The following ATF7IP2 variants were observed in gnomAD, a reference collection of about 807,000 sequenced individuals.
ATF7IP2 encodes activating transcription factor 7-interacting protein 2.
ATF7IP2 carries 42 observed loss-of-function variants against 64.2 expected under a neutral mutation model. The observed-to-expected ratio is 0.65, with a 90% confidence interval of 0.51 to 0.85. The LOEUF is 0.85. ATF7IP2 is among the 40% of genes least tolerant of loss of function. The pLI is 0.00. For missense variants in ATF7IP2, 933 were observed against 784.2 expected (o/e 1.19, Z -2.27); for synonymous variants, 308 against 272.8 (o/e 1.13, Z -1.27).
intron 1 of ATF7IP2, among the ~76,000 whole-genome samples, chr16:10,408,015 G>A (rs12597820): frequency 0.18 from 26,852 of 151,728 alleles, 2,505 homozygotes; most frequent in South Asian, 0.24. Flanking sequence ...GGGTTCAAGC[G>A]ATTCTCCAGC....
At chr16:10,437,083 G>A (rs1159717346) in intron 6 of ATF7IP2, among the ~76,000 whole-genome samples, 1 of 150,578 alleles carries the variant, frequency 6.6e-6, no homozygotes, top group Non-Finnish European at 1.5e-5. Flanking sequence ...GTACAGTGGT[G>A]TGATCTCGGC....
chr16:10,435,495 G>A (rs927244902), intron 6 of ATF7IP2, among the ~76,000 whole-genome samples: 4 of 152,068 alleles, frequency 2.6e-5, no homozygotes, highest in African/African-American at 9.7e-5. Context: ...CATTACCATT[G>A]GTAAAAACAT....
At chr16:10,476,511 C>CT (rs1193478015) in intron 12 of ATF7IP2, among the ~76,000 whole-genome samples, 1 of 151,620 alleles carries the variant, frequency 6.6e-6, no homozygotes, top group African/African-American at 2.4e-5. Context: ...TTTTTTTAAA[C>CT]TTTATGTTCT....
chr16:10,439,527 C>G lies in ATF7IP2; in HGVS notation c.1096-837C>G, dbSNP rs1218717624. Among the ~76,000 whole-genome samples, 6 of 147,326 alleles carry G rather than the reference C, an allele frequency of 4.1e-5. No homozygotes were observed. In the Admixed American group the frequency reaches 4.1e-4, roughly 10 times the overall value. On this transcript the variant is annotated intron_variant, in intron 7 of 13. Coordinates refer to ENST00000562102, the MANE Select transcript of ATF7IP2 (RefSeq NM_001393719.1). The stretch of plus-strand genomic sequence containing the variant: ...GGGATTATAGGCGTGAGCCACCGCC[C>G]CCAGCCTTTTTTTTTTTTTTTTTTT...
At chr16:10,398,311 AAAAAAT>A (rs1171489056) in intron 1 of ATF7IP2, among the ~76,000 whole-genome samples, 3 of 148,134 alleles carry the variant, frequency 2.0e-5, no homozygotes, top group Non-Finnish European at 3.0e-5. Flanking sequence ...CTCAAAAAAA[AAAAAAT>A]AATAATAAAT....
intron 1 of ATF7IP2, among the ~76,000 whole-genome samples, chr16:10,388,992 A>G (rs2047266153): frequency 6.6e-6 from 1 of 151,982 alleles, no homozygotes. Context: ...ATCCTGGGCG[A>G]CAGAGCAAGA....
intron 1 of ATF7IP2, among the ~76,000 whole-genome samples, chr16:10,394,810 A>G (rs1158538602): frequency 6.6e-6 from 1 of 152,216 alleles, no homozygotes; most frequent in Non-Finnish European, 1.5e-5. Flanking sequence ...GTGAATGAAA[A>G]TGAAGACAAA....
At chr16:10,393,073 G>T (rs898878633) in intron 1 of ATF7IP2, among the ~76,000 whole-genome samples, 2 of 152,044 alleles carry the variant, frequency 1.3e-5, no homozygotes, top group African/African-American at 4.8e-5. Flanking sequence ...ACTTTGGGAG[G>T]CTAAGGTGGA....
At chr16:10,473,303 A>T (rs1334916414) in intron 10 of ATF7IP2, among the ~76,000 whole-genome samples, 176 bp from the exon 11 acceptor site, 2 of 152,178 alleles carry the variant, frequency 1.3e-5, no homozygotes, top group Non-Finnish European at 2.9e-5. Flanking sequence ...CCAAAATTAC[A>T]TTTTTTTAAA....
At chr16:10,464,379 C>T (rs965003249) in intron 9 of ATF7IP2, among the ~76,000 whole-genome samples, 2 of 152,102 alleles carry the variant, frequency 1.3e-5, no homozygotes, top group East Asian at 3.8e-4. Flanking sequence ...TCTCATGCCA[C>T]AGGTATTGAA....
intron 1 of ATF7IP2, among the ~76,000 whole-genome samples, chr16:10,412,670 C>G (rs965254268): frequency 6.6e-6 from 1 of 152,128 alleles, no homozygotes; most frequent in Non-Finnish European, 1.5e-5. Flanking sequence ...GTAGAATGTT[C>G]TGTAAATATC....
At chr16:10,399,555 A>G (rs767519541) in intron 1 of ATF7IP2, among the ~76,000 whole-genome samples, 26 of 152,290 alleles carry the variant, frequency 1.7e-4, no homozygotes, top group Non-Finnish European at 3.4e-4. Context: ...GTCTATTTCT[A>G]TACATTACTA....
In ATF7IP2 at chr16:10,460,812, G is replaced by A. The variant is rs78364341; in HGVS notation, c.1352+3283G>A. Reference sequence around the variant, plus strand: ...AATGTTTTCTTAAGACATAAATGCCGTTGCCATAAAAGAAAAATTGATTAA... The same window carrying A: ...AATGTTTTCTTAAGACATAAATGCCATTGCCATAAAAGAAAAATTGATTAA... On this transcript the variant is annotated intron_variant, in intron 9 of 13. Transcript: ENST00000562102. 5.7e-3 allele frequency among the ~76,000 whole-genome samples: 863 copies of A among 152,160 alleles called. 6 individuals carry two copies. The highest frequency in any genetic ancestry group is 0.02 in the African/African-American group (830 of 41,526).
Position 10,460,143 on chromosome 16 carries a change from A to T in ATF7IP2, c.1352+2614A>T, listed in dbSNP as rs78484374. ...CTGTTTAGAATACAAGATAGAAACAATCAGGAAATAAAATTTTGGAAAAGC... is the reference window on the plus strand; with the variant it reads ...CTGTTTAGAATACAAGATAGAAACATTCAGGAAATAAAATTTTGGAAAAGC... On this transcript the variant is annotated intron_variant, in intron 9 of 13. Transcript: ENST00000562102. 4.0e-3 allele frequency among the ~76,000 whole-genome samples: 602 copies of T among 152,320 alleles called. 5 individuals carry two copies. Among genetic ancestry groups the T allele is most frequent in the Non-Finnish European group, 6.8e-3 (464 of 68,034 alleles).
chr16:10,470,126 T>C (rs553118974), intron 9 of ATF7IP2, among the ~76,000 whole-genome samples: 1 of 152,180 alleles, frequency 6.6e-6, no homozygotes, highest in South Asian at 2.1e-4. Context: ...TGTTGGCAAA[T>C]AGAAAATATT....
chr16:10,417,963 G>T (rs2047912363), intron 2 of ATF7IP2, among the ~76,000 whole-genome samples: 1 of 152,198 alleles, frequency 6.6e-6, no homozygotes, highest in Non-Finnish European at 1.5e-5. Flanking sequence ...CGGTCGTGGA[G>T]ACCCTAACCC....
chr16:10,475,328 G>T (rs1180661321), intron 12 of ATF7IP2, among the ~76,000 whole-genome samples: 1 of 152,192 alleles, frequency 6.6e-6, no homozygotes, highest in South Asian at 2.1e-4. Flanking sequence ...AATGCCTAGA[G>T]CAACAGTTTT....
chr16:10,400,643 A>C (rs889135809), intron 1 of ATF7IP2, among the ~76,000 whole-genome samples: 3 of 151,982 alleles, frequency 2.0e-5, no homozygotes, highest in Non-Finnish European at 4.4e-5. Context: ...ATATGGCCTT[A>C]TGGCCTTTAT....
At chr16:10,433,444 G>A in intron 5 of ATF7IP2, 81 bp from the exon 6 acceptor site, 1 of 1,331,146 alleles carries the variant, frequency 7.5e-7, no homozygotes, top group South Asian at 1.3e-5. Flanking sequence ...CAGAGTGCTG[G>A]GATTACAGAC....
Sources: gnomAD v4.1 joint callset for allele counts (sites outside exome capture counted in the v4.1 genomes callset) on GRCh38, gnomAD v4.1.1 for gene constraint, MANE v1.5 for transcripts, NCBI Gene and HGNC (gene_info 2026-07-23, HGNC 2026-07-21) for gene names.